SH3PXD2A: variants seen among roughly 807,000 people sequenced by gnomAD.
The protein encoded by SH3PXD2A is SH3 and PX domains 2A.
Under a neutral mutation model 115.2 loss-of-function variants are expected in SH3PXD2A, and 32 were observed. The ratio of observed to expected loss-of-function variants is 0.28; its 90% confidence interval spans 0.21 to 0.37. The LOEUF is 0.37. Ranked by LOEUF, SH3PXD2A falls within the 10% of genes least tolerant of loss-of-function variation. The pLI, the probability that SH3PXD2A is intolerant of heterozygous loss-of-function variation, is 1.00. For synonymous variants in SH3PXD2A, 610 were observed against 629.1 expected (o/e 0.97, Z 0.45); for missense variants, 1,328 against 1,498.7 (o/e 0.89, Z 1.88).
chr10:103,831,497 C>A (rs1169419598), intron 1 of SH3PXD2A, among the ~76,000 whole-genome samples: 2 of 152,140 alleles, frequency 1.3e-5, no homozygotes, highest in South Asian at 4.2e-4. Flanking sequence ...TAAATTGAGG[C>A]ATAACTCATA....
At chr10:103,797,053 G>A (rs79889955) in intron 2 of SH3PXD2A, among the ~76,000 whole-genome samples, 18,041 of 151,518 alleles carry the variant, frequency 0.12, 1,370 homozygotes, top group Non-Finnish European at 0.16. Context: ...TTGTAGAGAC[G>A]GGATCTTGCC....
intron 8 of SH3PXD2A, among the ~76,000 whole-genome samples, chr10:103,655,229 T>C (rs542736544): frequency 6.6e-6 from 1 of 152,206 alleles, no homozygotes; most frequent in Non-Finnish European, 1.5e-5. Flanking sequence ...GCACCACATC[T>C]AAATGGAGTC....
chr10:103,711,585 C>A (rs1399870413), intron 5 of SH3PXD2A, among the ~76,000 whole-genome samples: 6 of 152,180 alleles, frequency 3.9e-5, no homozygotes, highest in African/African-American at 1.4e-4. Flanking sequence ...GGCTACTGAG[C>A]AATCTGTGCA....
At chr10:103,768,149 TAG>T (rs1000632123) in intron 2 of SH3PXD2A, among the ~76,000 whole-genome samples, 1 of 152,112 alleles carries the variant, frequency 6.6e-6, no homozygotes, top group Non-Finnish European at 1.5e-5. Context: ...GTAAAGAAAA[TAG>T]ACAAAGTTCT....
chr10:103,801,492 G>T, intron 1 of SH3PXD2A, 130 bp from the exon 2 acceptor site: 1 of 587,780 alleles, frequency 1.7e-6, no homozygotes, highest in Non-Finnish European at 3.1e-6. Flanking sequence ...CTGTCCCTAG[G>T]GGCTAGCACA....
At chr10:103,678,867 G>C (rs1310507094) in intron 6 of SH3PXD2A, among the ~76,000 whole-genome samples, 1 of 152,144 alleles carries the variant, frequency 6.6e-6, no homozygotes, top group African/African-American at 2.4e-5. Context: ...GGTGGCTCCT[G>C]GGCCAACACA....
Position 103,602,480 on chromosome 10 carries a change from G to C in SH3PXD2A, c.2738C>G (p.Pro913Arg). Residue 913 changes from proline to arginine, a missense_variant, in exon 15 of 15, where the codon CCC becomes CGC. Physicochemically the swap from Pro to Arg is moderately radical, Grantham distance 103 (BLOSUM62 -2). Transcript: ENST00000369774. ...DPSGKELDTV[P>R]AKGRQNEGKS... The stretch of plus-strand genomic sequence containing the variant: ...GCCTTCGTTCTGCCTGCCCTTGGCG[G>C]GCACTGTGTCCAGCTCTTTGCCAGA... The C allele has an allele frequency of 9.9e-6, 16 of 1,614,174 alleles. No individual in the cohort carries two copies. The highest frequency in any genetic ancestry group is 1.4e-5 in the Non-Finnish European group (16 of 1,180,010).
intron 2 of SH3PXD2A, among the ~76,000 whole-genome samples, chr10:103,781,567 G>A (rs1298140840): frequency 6.6e-6 from 1 of 152,182 alleles, no homozygotes; most frequent in Non-Finnish European, 1.5e-5. Context: ...CTCAATCAAG[G>A]TCTATTGAAA....
At chr10:103,807,043 G>T (rs1286189304) in intron 1 of SH3PXD2A, among the ~76,000 whole-genome samples, 2 of 152,168 alleles carry the variant, frequency 1.3e-5, no homozygotes, top group African/African-American at 4.8e-5. Context: ...TTCCAAAATC[G>T]CCTTCCCAGT....
intron 5 of SH3PXD2A, among the ~76,000 whole-genome samples, chr10:103,696,778 T>TCAGC (rs1172765067): frequency 6.6e-6 from 1 of 152,114 alleles, no homozygotes; most frequent in African/African-American, 2.4e-5. Flanking sequence ...ATCAGACCAC[T>TCAGC]CAGCCATTCA....
At chr10:103,820,549 A>T (rs2039368289) in intron 1 of SH3PXD2A, among the ~76,000 whole-genome samples, 2 of 152,222 alleles carry the variant, frequency 1.3e-5, no homozygotes, top group South Asian at 4.1e-4. Flanking sequence ...ACGTCATCCA[A>T]GCATTCCCTG....
rs984661957 is a variant in SH3PXD2A, at chr10:103,855,297, C to A, written c.-31G>T. On this transcript the variant is annotated 5_prime_UTR_variant, in exon 1 of 15. Transcript: ENST00000369774. ...CCCACAAAGCGAGTGGCGCCCCCGGCGGCGTCACCTTCTCATCCCGGCCGG... is the reference window on the plus strand; with the variant it reads ...CCCACAAAGCGAGTGGCGCCCCCGGAGGCGTCACCTTCTCATCCCGGCCGG... 4.4e-5 allele frequency: 66 copies of A among 1,494,212 alleles called. No homozygotes were observed. In the East Asian group the frequency reaches 1.7e-3, roughly 37 times the overall value. The allele number at this position is 1,494,212 out of a possible 1,614,324, so 92.6% of individuals were successfully genotyped here.
Position 103,603,798 on chromosome 10 carries a change from C to A in SH3PXD2A, c.1429-9G>T, listed in dbSNP as rs141204817. On this transcript the variant is annotated splice_polypyrimidine_tract_variant and intron_variant, in intron 14 of 14. Transcript: ENST00000369774. ...GAGTTCTTATCAATGACCTGGGGTA[C>A]GAGTGCAGACAAGCCAGTGAGTTGG... 6.3e-7 allele frequency: 1 copy of A among 1,578,328 alleles called. No homozygotes were observed. The highest frequency in any genetic ancestry group is 8.6e-7 in the Non-Finnish European group (1 of 1,167,930).
At chr10:103,714,255 G>A (rs10159470) in intron 5 of SH3PXD2A, among the ~76,000 whole-genome samples, 26,791 of 152,188 alleles carry the variant, frequency 0.18, 2,777 homozygotes, top group East Asian at 0.29. Context: ...GTAAGAGAGT[G>A]GGCACATGGG....
At chr10:103,651,088 G>A (rs182207790) in intron 8 of SH3PXD2A, among the ~76,000 whole-genome samples, 34 of 152,334 alleles carry the variant, frequency 2.2e-4, no homozygotes, top group Non-Finnish European at 1.0e-4. Context: ...AGGGTGGCAG[G>A]TGGCAGGTCT....
chr10:103,766,951 A>G (rs1222256266), intron 3 of SH3PXD2A, 143 bp downstream of exon 3: 25 of 628,996 alleles, frequency 4.0e-5, no homozygotes, highest in Non-Finnish European at 6.2e-5. Flanking sequence ...GGAGCTTCCA[A>G]ATCCCCTGGG....
At position 103,601,570 on chromosome 10, in the gene SH3PXD2A, TC is replaced by T; in HGVS notation, c.*245del. The T allele has an allele frequency of 2.4e-6, 1 of 423,614 alleles. No individual in the cohort carries two copies. Among genetic ancestry groups the T allele is most frequent in the Non-Finnish European group, 4.2e-6 (1 of 236,448 alleles). 26.2% of individuals were successfully genotyped at this position (423,614 alleles called of 1,614,324 possible). A position where few individuals can be genotyped will look rare whatever the true frequency, so the allele number is the denominator to read the frequency against. On this transcript the variant is annotated 3_prime_UTR_variant, in exon 15 of 15. Transcript: ENST00000369774. ...ATATCTCAGCTTTCTTGGCTCTGGG[TC>T]CCAGGCCTGGGACTCCCTGGTCCAT...
chr10:103,812,576 C>T (rs996344103), intron 1 of SH3PXD2A, among the ~76,000 whole-genome samples: 2 of 152,176 alleles, frequency 1.3e-5, no homozygotes, highest in African/African-American at 4.8e-5. Flanking sequence ...CACACACATC[C>T]TGAAAATGTG....
At chr10:103,733,126 A>G (rs893617599) in intron 4 of SH3PXD2A, among the ~76,000 whole-genome samples, 6 of 151,282 alleles carry the variant, frequency 4.0e-5, no homozygotes, top group Non-Finnish European at 8.8e-5. Context: ...TGGTGAGCCC[A>G]TGGCCCCATT....
Sources: gnomAD v4.1 joint callset for allele counts (sites outside exome capture counted in the v4.1 genomes callset) on GRCh38, gnomAD v4.1.1 for gene constraint, MANE v1.5 for transcripts, NCBI Gene and HGNC (gene_info 2026-07-23, HGNC 2026-07-21) for gene names.